Variants in ZNF397 observed in about 807,000 individuals in gnomAD.
ZNF397 encodes zinc finger and SCAN domain-containing protein 15.
In ZNF397, 38 loss-of-function variants were observed where a neutral mutation model predicts 50.6. The observed-to-expected ratio is 0.75, with a 90% CI of 0.58 to 0.98. The LOEUF (loss-of-function observed/expected upper bound fraction) is 0.98, where lower values mean the gene tolerates loss of function less well. ZNF397 is among the 50% of genes least tolerant of loss of function. The probability of loss-of-function intolerance (pLI) is 0.00; values close to 1 mark genes in which losing one functional copy is unlikely to be tolerated. For missense variants in ZNF397, 624 were observed against 624.1 expected (o/e 1.00, Z 0.00); for synonymous variants, 228 against 215.2 (o/e 1.06, Z -0.52).
downstream of ZNF397, chr18:35,253,644 G>A (rs1372276945): frequency 6.2e-7 from 1 of 1,614,128 alleles, no homozygotes; most frequent in South Asian, 1.1e-5. Flanking sequence ...ATTCTTTGAT[G>A]TTCAATAAGG....
At position 35,242,375 on chromosome 18, in the gene ZNF397, C is replaced by T; in HGVS notation, c.-80-16C>T. The T allele has an allele frequency of 7.8e-7, 1 of 1,278,854 alleles. No individual in the cohort carries two copies. The highest frequency in any genetic ancestry group is 1.5e-5 in the South Asian group (1 of 66,342). 79.2% of individuals were successfully genotyped at this position (1,278,854 alleles called of 1,614,324 possible). A position where few individuals can be genotyped will look rare whatever the true frequency, so the allele number is the denominator to read the frequency against. On this transcript the variant is annotated splice_polypyrimidine_tract_variant and intron_variant, in intron 1 of 3. Coordinates refer to ENST00000330501, the MANE Select transcript of ZNF397 (RefSeq NM_001135178.3). ...TTTATTGATTGCTGTAAGTTAACTGCTTTTATATCCTTCAGGAAAGAAGAG... is the reference window on the plus strand; with the variant it reads ...TTTATTGATTGCTGTAAGTTAACTGTTTTTATATCCTTCAGGAAAGAAGAG...
intron 3 of ZNF397, among the ~76,000 whole-genome samples, chr18:35,244,332 T>C (rs1341937608): frequency 2.4e-4 from 37 of 152,186 alleles, no homozygotes; most frequent in Admixed American, 2.4e-3. Context: ...ATACATCTGA[T>C]GATGTGTTTA....
intron 3 of ZNF397, 69 bp from the exon 4 acceptor site, chr18:35,245,193 C>G (rs1200487836): frequency 1.4e-6 from 2 of 1,464,502 alleles, no homozygotes; most frequent in Admixed American, 2.7e-5. Context: ...TCTGTTTTCT[C>G]TCATGTAGAA....
Position 35,245,437 on chromosome 18 carries a change from T to C in ZNF397, c.732T>C (p.Ser244=). Residue 244 remains serine (S), a synonymous_variant, in exon 4 of 4, where the codon AGT becomes AGC. Coordinates refer to ENST00000330501, the MANE Select transcript of ZNF397 (RefSeq NM_001135178.3). ...LRSPSQGGSF[S]QVIFTNKSLG... ...CTCCTTCCCAAGGGGGCAGTTTTAG[T>C]CAAGTGATCTTCACAAACAAATCTC... is the stretch of plus-strand genomic sequence containing the variant. 6.4e-7 allele frequency: 1 copy of C among 1,560,598 alleles called. No individual in the cohort carries two copies. The highest frequency in any genetic ancestry group is 8.7e-7 in the Non-Finnish European group (1 of 1,151,854).
chr18:35,246,423 A>G lies in ZNF397; in HGVS notation c.*113A>G. ...AAAGGTTATAAAATACTAGGTCTTG[A>G]GTCTAGCTTGCTTTGTGCAGCATTT... On this transcript the variant is annotated 3_prime_UTR_variant, in exon 4 of 4. Transcript: ENST00000330501. 1 of 1,452,834 alleles carries G rather than the reference A, an allele frequency of 6.9e-7. No individual in the cohort carries two copies. The highest frequency in any genetic ancestry group is 2.5e-5 in the East Asian group (1 of 40,132). 90.0% of individuals were successfully genotyped at this position (1,452,834 alleles called of 1,614,324 possible). A position where few individuals can be genotyped will look rare whatever the true frequency, so the allele number is the denominator to read the frequency against.
chr18:35,249,665 A>C lies in ZNF397; in HGVS notation c.*3355A>C, dbSNP rs1320013101. The C allele has an allele frequency of 1.3e-5, 2 of 149,118 alleles. 1 individual carries two copies. Among genetic ancestry groups the C allele is most frequent in the South Asian group, 4.2e-4 (2 of 4,724 alleles). 9.2% of individuals were successfully genotyped at this position (149,118 alleles called of 1,614,324 possible). ...GAGACTGTGTCTCAAAAAAAAAAAA[A>C]AAAAAAAAAAAAACACTGATGTCAA... On this transcript the variant is annotated 3_prime_UTR_variant, in exon 4 of 4. Transcript: ENST00000330501.
At chr18:35,256,326 G>A (rs1033031094) in intron 5 of ZNF397, 4 of 152,364 alleles carry the variant, frequency 2.6e-5, no homozygotes, top group African/African-American at 9.6e-5. Flanking sequence ...TGGAGGCTGA[G>A]GCAGGCAGAT....
At position 35,249,111 on chromosome 18, in the gene ZNF397, T is replaced by G. The variant is rs937156795; in HGVS notation, c.*2801T>G. 6.6e-6 allele frequency: 1 copy of G among 152,166 alleles called. No homozygotes were observed. Among genetic ancestry groups the G allele is most frequent in the African/African-American group, 2.4e-5 (1 of 41,432 alleles). 9.4% of individuals were successfully genotyped at this position (152,166 alleles called of 1,614,324 possible). ...AATAAGTGCCAATGAACAATAAATG[T>G]TCAACCTCACTACAGTTAAAATGTA... On this transcript the variant is annotated 3_prime_UTR_variant, in exon 4 of 4. Coordinates refer to ENST00000330501, the MANE Select transcript of ZNF397 (RefSeq NM_001135178.3).
intron 5 of ZNF397, chr18:35,257,200 C>A (rs910260651): frequency 6.6e-6 from 1 of 152,250 alleles, no homozygotes; most frequent in Non-Finnish European, 1.5e-5. Context: ...ATCCTTTTAA[C>A]TAGGGATGTG....
chr18:35,253,342 G>A (rs1009283658), downstream of ZNF397: 2 of 824,356 alleles, frequency 2.4e-6, no homozygotes, highest in South Asian at 2.1e-5. Flanking sequence ...ACCGAACTGG[G>A]AGGGAAGGAC....
chr18:35,251,755 G>GA (rs1052406530), downstream of ZNF397: 68 of 151,552 alleles, frequency 4.5e-4, no homozygotes, highest in African/African-American at 1.6e-3. Context: ...TAAGTTTCCT[G>GA]AGGCCTCCCC....
At chr18:35,254,255 T>G (rs147099908), downstream of ZNF397, 37 of 1,614,042 alleles carry the variant, frequency 2.3e-5, no homozygotes, top group African/African-American at 3.2e-4. Context: ...TCCCAAAGCT[T>G]CTTCAGCTAT....
At chr18:35,241,432 C>T (rs1912488393) in intron 1 of ZNF397, 1 of 152,246 alleles carries the variant, frequency 6.6e-6, no homozygotes, top group African/African-American at 2.4e-5. Flanking sequence ...TTTAATTCAT[C>T]TCTTAACGTT....
chr18:35,241,465 T>G (rs1403011637), intron 1 of ZNF397: 1 of 152,234 alleles, frequency 6.6e-6, no homozygotes, highest in East Asian at 1.9e-4. Context: ...AGGAATGAAT[T>G]TTACTCATCT....
intron 5 of ZNF397, chr18:35,257,858 A>T: frequency 1.3e-6 from 1 of 780,842 alleles, no homozygotes; most frequent in South Asian, 1.3e-5. Context: ...CCAAGCCTAG[A>T]CTGTAACTGA....
downstream of ZNF397, chr18:35,253,817 A>T (rs2043684288): frequency 6.2e-7 from 1 of 1,614,070 alleles, no homozygotes; most frequent in South Asian, 1.1e-5. Context: ...CCGATGCCTG[A>T]TGAGCTCTGA....
chr18:35,251,282 T>C (rs1430814645), downstream of ZNF397: 1 of 152,190 alleles, frequency 6.6e-6, no homozygotes, highest in Non-Finnish European at 1.5e-5. Context: ...ACTTTCTCAT[T>C]TTCTGTATTA....
At chr18:35,241,699 T>G (rs1912513657) in intron 1 of ZNF397, 1 of 152,250 alleles carries the variant, frequency 6.6e-6, no homozygotes, top group Admixed American at 6.5e-5. Flanking sequence ...TGGTAAGCAT[T>G]TTACAGATAC....
chr18:35,254,420 C>G, downstream of ZNF397: 2 of 1,613,476 alleles, frequency 1.2e-6, no homozygotes, highest in Non-Finnish European at 1.7e-6. Context: ...TCATTTACTT[C>G]CCATGACAGA....
Sources: allele counts gnomAD v4.1 joint callset (sites outside exome capture counted in the v4.1 genomes callset), GRCh38; gene constraint gnomAD v4.1.1; transcripts MANE v1.5; gene names NCBI Gene and HGNC (gene_info 2026-07-23, HGNC 2026-07-21).